NT5DC1: variants seen among roughly 807,000 people sequenced by gnomAD.
The protein encoded by NT5DC1 is 5'-nucleotidase domain containing 1, also known as 5'-nucleotidase domain-containing protein 1.
Under a neutral mutation model 59.4 loss-of-function variants are expected in NT5DC1, and 42 were observed. The ratio of observed to expected loss-of-function variants is 0.71; its 90% confidence interval spans 0.55 to 0.92. The LOEUF (loss-of-function observed/expected upper bound fraction) is 0.92. Ranked by LOEUF, NT5DC1 falls within the 40% of genes least tolerant of loss-of-function variation. The pLI is 0.00. For missense variants in NT5DC1, 501 were observed against 537.1 expected (o/e 0.93, Z 0.66); for synonymous variants, 172 against 188.1 (o/e 0.91, Z 0.70).
chr6:116,124,440 A>G (rs1306614196), intron 6 of NT5DC1, among the ~76,000 whole-genome samples: 3 of 152,192 alleles, frequency 2.0e-5, no homozygotes, highest in Non-Finnish European at 2.9e-5. Flanking sequence ...AGTGCTTTAC[A>G]TATATTATCT....
At chr6:116,217,526 T>C (rs1304137753) in intron 6 of NT5DC1, among the ~76,000 whole-genome samples, 1 of 152,122 alleles carries the variant, frequency 6.6e-6, no homozygotes, top group African/African-American at 2.4e-5. Flanking sequence ...CTCCTTTCCA[T>C]CTTAGGTCTA....
At chr6:116,121,375 G>T in intron 6 of NT5DC1, 9 of 1,614,020 alleles carry the variant, frequency 5.6e-6, no homozygotes, top group Non-Finnish European at 7.6e-6. Context: ...GACCTGGTGG[G>T]CCAATTGGTC....
intron 6 of NT5DC1, among the ~76,000 whole-genome samples, chr6:116,174,327 AT>A (rs988485158): frequency 1.3e-5 from 2 of 152,138 alleles, no homozygotes; most frequent in African/African-American, 4.8e-5. Flanking sequence ...AAATATACTT[AT>A]TTGGAAATCT....
At chr6:116,152,049 C>T (rs1274093445) in intron 6 of NT5DC1, among the ~76,000 whole-genome samples, 2 of 152,144 alleles carry the variant, frequency 1.3e-5, no homozygotes, top group Non-Finnish European at 2.9e-5. Flanking sequence ...GATTTCACTA[C>T]ATTCTTCCTT....
chr6:116,123,332 G>C (rs1779192182), intron 6 of NT5DC1, among the ~76,000 whole-genome samples: 1 of 152,134 alleles, frequency 6.6e-6, no homozygotes, highest in South Asian at 2.1e-4. Context: ...AAAGAATTTG[G>C]CTTCTATTGA....
intron 8 of NT5DC1, among the ~76,000 whole-genome samples, chr6:116,235,009 G>A (rs958849085): frequency 6.9e-6 from 1 of 145,928 alleles, no homozygotes; most frequent in Non-Finnish European, 1.5e-5. Flanking sequence ...TGTATAAAGT[G>A]AATTTTTTGT....
In NT5DC1 at chr6:116,221,238, GAGTCATTC is replaced by G; in HGVS notation, c.704+14_704+21del. ...GCGAATATATTCTTGGGTGAGTGAT[GAGTCATTC>G]AGTTTTCATTGTCTTATGAAATACA... On this transcript the variant is annotated intron_variant, in intron 7 of 11. Transcript: ENST00000319550. The G allele has an allele frequency of 6.6e-7, 1 of 1,514,562 alleles. No individual in the cohort carries two copies. The highest frequency in any genetic ancestry group is 9.1e-7 in the Non-Finnish European group (1 of 1,096,380). The allele number at this position is 1,514,562 out of a possible 1,614,324, so 93.8% of individuals were successfully genotyped here.
At chr6:116,240,211 C>T (rs1330334082) in intron 11 of NT5DC1, among the ~76,000 whole-genome samples, 2 of 152,066 alleles carry the variant, frequency 1.3e-5, no homozygotes, top group Non-Finnish European at 2.9e-5. Context: ...AATTTGAGTC[C>T]TAGAATGATG....
chr6:116,182,222 A>T (rs117132883), intron 6 of NT5DC1, among the ~76,000 whole-genome samples: 3 of 124,688 alleles, frequency 2.4e-5, no homozygotes, highest in East Asian at 3.0e-4. Flanking sequence ...TTCCATGGAG[A>T]GTGTGTGTGT....
At chr6:116,226,426 G>A (rs1209223) in intron 8 of NT5DC1, among the ~76,000 whole-genome samples, 64,553 of 151,754 alleles carry the variant, frequency 0.43, 17,689 homozygotes, top group African/African-American at 0.78. Flanking sequence ...TTTTTAACAT[G>A]TTGGAAATTA....
chr6:116,242,087 G>A (rs554165869), intron 11 of NT5DC1, among the ~76,000 whole-genome samples: 3 of 151,800 alleles, frequency 2.0e-5, no homozygotes, highest in East Asian at 3.9e-4. Flanking sequence ...AACAATACCC[G>A]GCAGGGCACG....
At chr6:116,101,454 T>G (rs536350812) in intron 1 of NT5DC1, among the ~76,000 whole-genome samples, 1 of 151,638 alleles carries the variant, frequency 6.6e-6, no homozygotes, top group South Asian at 2.1e-4. Context: ...GCATTTTTTT[T>G]GGCTGCATTT....
intron 6 of NT5DC1, among the ~76,000 whole-genome samples, chr6:116,205,533 A>G (rs1228560768): frequency 4.6e-5 from 7 of 151,950 alleles, no homozygotes; most frequent in Non-Finnish European, 8.8e-5. Flanking sequence ...ACACAGATAT[A>G]CAGAGCATCT....
At chr6:116,124,135 T>A (rs1453378544) in intron 6 of NT5DC1, among the ~76,000 whole-genome samples, 1 of 152,278 alleles carries the variant, frequency 6.6e-6, no homozygotes, top group South Asian at 2.1e-4. Context: ...TTTCAAATAT[T>A]AAGTTTCCTT....
intron 5 of NT5DC1, among the ~76,000 whole-genome samples, 180 bp downstream of exon 5, chr6:116,115,950 G>A (rs1778955144): frequency 6.6e-6 from 1 of 151,966 alleles, no homozygotes; most frequent in Non-Finnish European, 1.5e-5. Flanking sequence ...TTAAATAGCA[G>A]TGACCTTTTT....
At chr6:116,185,365 A>T (rs1780973642) in intron 6 of NT5DC1, among the ~76,000 whole-genome samples, 1 of 152,082 alleles carries the variant, frequency 6.6e-6, no homozygotes. Context: ...TTCTGAAAAT[A>T]TCTGTTAAGT....
rs1163344589 is a variant in NT5DC1, at chr6:116,109,593, T to TTATTA, written c.257+1159_257+1160insATTAT. Among the ~76,000 whole-genome samples the TTATTA allele has an allele frequency of 3.9e-5, 6 of 152,224 alleles. 1 individual carries two copies. ...ATCCAAGTCCTGGCTAACCTTTAGTTTCTCCTGAATTTATTAGCATACCTC... is the reference window on the plus strand; with the variant it reads ...ATCCAAGTCCTGGCTAACCTTTAGTTTATTATCTCCTGAATTTATTAGCATACCTC... On this transcript the variant is annotated intron_variant, in intron 3 of 11. Coordinates refer to ENST00000319550, the MANE Select transcript of NT5DC1 (RefSeq NM_152729.3).
At chr6:116,216,174 A>G (rs1463904039) in intron 6 of NT5DC1, among the ~76,000 whole-genome samples, 3 of 152,268 alleles carry the variant, frequency 2.0e-5, no homozygotes, top group African/African-American at 7.2e-5. Flanking sequence ...AACAGTTATT[A>G]TTTGTTGATT....
chr6:116,117,239 CTT>C (rs1308326104), intron 5 of NT5DC1, among the ~76,000 whole-genome samples: 2 of 151,926 alleles, frequency 1.3e-5, no homozygotes, highest in African/African-American at 4.8e-5. Context: ...AATTTTTAGA[CTT>C]TATAACGAGT....
Sources: gnomAD v4.1 joint callset for allele counts (sites outside exome capture counted in the v4.1 genomes callset) on GRCh38, gnomAD v4.1.1 for gene constraint, MANE v1.5 for transcripts, NCBI Gene and HGNC (gene_info 2026-07-23, HGNC 2026-07-21) for gene names.